The following GAK variants were observed in gnomAD, a reference collection of about 807,000 sequenced individuals.
The protein encoded by GAK is cyclin-G-associated kinase.
GAK carries 79 observed loss-of-function variants against 143.9 expected under a neutral mutation model. That is an observed-to-expected ratio of 0.55 (90% CI 0.46 to 0.66). The LOEUF (loss-of-function observed/expected upper bound fraction) is 0.66. Among genes scored for constraint, GAK ranks in the 30% least tolerant of loss-of-function variants. The pLI is 0.00. For missense variants in GAK, 1,693 were observed against 1,779.7 expected (o/e 0.95, Z 0.88); for synonymous variants, 881 against 765.5 (o/e 1.15, Z -2.49).
At chr4:862,263 T>C (rs1388692268) in intron 23 of GAK, among the ~76,000 whole-genome samples, 2 of 146,838 alleles carry the variant, frequency 1.4e-5, no homozygotes, top group African/African-American at 5.1e-5. Flanking sequence ...CATGCAGATA[T>C]AAGACGGCCT....
At chr4:850,767 G>A (rs753905701) in intron 26 of GAK, 169 bp downstream of exon 26, 24 of 634,160 alleles carry the variant, frequency 3.8e-5, no homozygotes, top group Admixed American at 6.6e-5. Context: ...CAGGCCCATC[G>A]GCAGTGACAG....
At chr4:914,361 G>A (rs1371149248) in intron 1 of GAK, among the ~76,000 whole-genome samples, 31 of 87,228 alleles carry the variant, frequency 3.6e-4, no homozygotes, top group East Asian at 7.9e-4. Context: ...GCCCCAGCGT[G>A]CACGGCCCCC....
Position 903,226 on chromosome 4 carries a change from C to T in GAK, c.525+1411G>A, listed in dbSNP as rs552184374. 4.3e-4 allele frequency among the ~76,000 whole-genome samples: 65 copies of T among 150,594 alleles called. 1 individual carries two copies. The highest frequency in any genetic ancestry group is 6.6e-4 in the Non-Finnish European group (45 of 67,882). On this transcript the variant is annotated intron_variant, in intron 5 of 27. Transcript: ENST00000314167. ...CTGTGTGGCAGTGTGGTGGGCAGGA[C>T]GGCCCTTTTACATGCAGCCAGTGGC...
rs556247991 is a variant in GAK, at chr4:864,641, G to A, written c.3166+481C>T. Among the ~76,000 whole-genome samples the A allele has an allele frequency of 2.6e-5, 4 of 152,112 alleles. No homozygotes were observed. In the East Asian group the frequency reaches 5.8e-4, roughly 22 times the overall value. ...CCTTCCTGACAGGGCACGGGGCGTC[G>A]CAAACACGACTGCTGTACATGACCC... On this transcript the variant is annotated intron_variant, in intron 23 of 27. Coordinates refer to ENST00000314167, the MANE Select transcript of GAK (RefSeq NM_005255.4).
At chr4:864,765 G>A (rs1372827305) in intron 23 of GAK, among the ~76,000 whole-genome samples, 1 of 152,208 alleles carries the variant, frequency 6.6e-6, no homozygotes, top group Non-Finnish European at 1.5e-5. Flanking sequence ...GAGCCACGGG[G>A]TGCTACAGGC....
At chr4:897,830 C>T (rs780768976) in intron 6 of GAK, 13 of 485,176 alleles carry the variant, frequency 2.7e-5, no homozygotes, top group Middle Eastern at 1.1e-3. Flanking sequence ...GTGCCTGTAA[C>T]CCCAGCTACT....
In GAK at chr4:851,074, T is replaced by C. The variant is rs1577020498; in HGVS notation, c.3519A>G (p.Pro1173=). ...CTTCAAAGTCGTTCTCAGAGACTTTTGGCTTTTGAGCTAGAAAAGAACAGA... is the reference window on the plus strand; with the variant it reads ...CTTCAAAGTCGTTCTCAGAGACTTTCGGCTTTTGAGCTAGAAAAGAACAGA... ...GVRAPSFAQK[P]KVSENDFEDL... The change falls in exon 26 of 28, where the codon CCA becomes CCG. Residue 1173 remains proline (P), a synonymous_variant. Transcript: ENST00000314167. 2 of 1,613,608 alleles carry C rather than the reference T, an allele frequency of 1.2e-6. No homozygotes were observed. The highest frequency in any genetic ancestry group is 1.7e-6 in the Non-Finnish European group (2 of 1,179,690).
intron 9 of GAK, among the ~76,000 whole-genome samples, chr4:891,710 C>T (rs574919416): frequency 1.3e-5 from 2 of 152,172 alleles, no homozygotes; most frequent in African/African-American, 2.4e-5. Context: ...GAGGCCCACA[C>T]CCCCCTGCGA....
chr4:849,795 A>G, intron 27 of GAK, 21 bp from the exon 28 acceptor site: 2 of 1,600,682 alleles, frequency 1.2e-6, no homozygotes, highest in Non-Finnish European at 1.7e-6. Context: ...CAGGCGGTGT[A>G]AGCGCCTCTT....
Position 850,064 on chromosome 4 carries a change from A to T in GAK, c.3662T>A (p.Leu1221Gln), listed in dbSNP as rs1229390065. The T allele has an allele frequency of 6.4e-7, 1 of 1,573,566 alleles. No homozygotes were observed. The change falls in exon 27 of 28, where the codon CTG becomes CAG. Residue 1221 changes from leucine to glutamine, a missense_variant. Around this residue, in one of 2 missense-constraint regions of GAK, gnomAD observed 822 missense variants for 788.7 expected, o/e 1.04. Transcript: ENST00000314167. The part of the protein sequence containing the change: ...KDTDPLKLKL[L>Q]DWIEGKERNI... ...CCGCTCCTTGCCCTCAATCCAGTCCAGGAGCTGCGGGAGACACGGAGCTTG... is the reference window on the plus strand; with the variant it reads ...CCGCTCCTTGCCCTCAATCCAGTCCTGGAGCTGCGGGAGACACGGAGCTTG...
Position 882,776 on chromosome 4 carries a change from T to A in GAK, c.1448A>T (p.His483Leu). The A allele has an allele frequency of 1.2e-6, 2 of 1,611,494 alleles. No homozygotes were observed. The highest frequency in any genetic ancestry group is 2.2e-5 in the South Asian group (2 of 91,032). ...GTTCCTGCAGATGTTGTACAGGGTG[T>A]GCAGGTGTGGGGCCCGCCGTGCTGC... Reference protein sequence around the residue: ...GWAARRAPHLHTLYNICRNMH... With the variant: ...GWAARRAPHLLTLYNICRNMH... The change falls in exon 14 of 28, where the codon CAC (histidine) becomes CTC (leucine). Residue 483 changes from histidine (H) to leucine (L), a missense_variant. By Grantham distance (99) the His-to-Leu change is moderately conservative. This residue lies in a region of GAK where 871 missense variants were observed against 991.0 expected (regional missense o/e 0.88). Coordinates refer to ENST00000314167, the MANE Select transcript of GAK (RefSeq NM_005255.4).
rs750241971 is a variant in GAK at position 870,847 on chromosome 4, G to C, written c.2112C>G (p.Asn704Lys). 16 of 1,613,998 alleles carry C rather than the reference G, an allele frequency of 9.9e-6. 2 individuals carry two copies. In the South Asian group the frequency reaches 1.8e-4, roughly 18 times the overall value. ...QEKYPDLFQV[N>K]LEVEVEPRDR... ...CCCTGGGCTCCACCTCCACTTCCAG[G>C]TTCACTTGAAATAAATCCGGGTATT... The change falls in exon 19 of 28, where the codon AAC becomes AAG. Residue 704 changes from asparagine to lysine, a missense_variant. Asn to Lys is a moderately conservative substitution (Grantham distance 94). Around this residue, in one of 2 missense-constraint regions of GAK, gnomAD observed 871 missense variants for 991.0 expected, o/e 0.88. Coordinates refer to ENST00000314167, the MANE Select transcript of GAK (RefSeq NM_005255.4).
intron 19 of GAK, chr4:869,033 G>T: frequency 3.7e-6 from 1 of 272,884 alleles, no homozygotes; most frequent in Non-Finnish European, 7.1e-6. Flanking sequence ...CACACACACA[G>T]GCGCACAGTA....
At chr4:904,530 G>A (rs1720701803) in intron 5 of GAK, 107 bp downstream of exon 5, 1 of 828,730 alleles carries the variant, frequency 1.2e-6, no homozygotes, top group Non-Finnish European at 1.8e-6. Flanking sequence ...GCACACAGAG[G>A]CCTCAGCAGC....
At chr4:907,876 C>A (rs573610223) in intron 4 of GAK, among the ~76,000 whole-genome samples, 1 of 152,156 alleles carries the variant, frequency 6.6e-6, no homozygotes, top group East Asian at 1.9e-4. Flanking sequence ...TGAGCTGGCG[C>A]GCGCATGCGT....
intron 15 of GAK, among the ~76,000 whole-genome samples, chr4:878,827 C>T (rs1416995003): frequency 6.6e-6 from 1 of 152,194 alleles, no homozygotes; most frequent in Non-Finnish European, 1.5e-5. Flanking sequence ...CCTCGTGGCA[C>T]CCATGCCCTG....
At chr4:902,227 A>G (rs1222608221) in intron 5 of GAK, among the ~76,000 whole-genome samples, 1 of 144,046 alleles carries the variant, frequency 6.9e-6, no homozygotes, top group African/African-American at 2.6e-5. Context: ...ACAGAGCAAG[A>G]CTCCGCCTAA....
chr4:875,413 C>T (rs1224785124), intron 18 of GAK, among the ~76,000 whole-genome samples: 3 of 152,236 alleles, frequency 2.0e-5, no homozygotes, highest in African/African-American at 7.2e-5. Flanking sequence ...CAGGCCGTCC[C>T]TGACAGCAGC....
intron 24 of GAK, among the ~76,000 whole-genome samples, chr4:857,965 C>T (rs868058958): frequency 1.3e-5 from 2 of 152,180 alleles, no homozygotes; most frequent in East Asian, 1.9e-4. Context: ...CTCAGCTCCA[C>T]GCATCGTCTC....
Sources: allele counts gnomAD v4.1 joint callset (sites outside exome capture counted in the v4.1 genomes callset), GRCh38; gene constraint gnomAD v4.1.1; regional missense constraint gnomAD v4.1.1; transcripts MANE v1.5; gene names NCBI Gene and HGNC (gene_info 2026-07-23, HGNC 2026-07-21).